The following ANKFN1 variants were observed in gnomAD, a reference collection of about 807,000 sequenced individuals.
ANKFN1 encodes ankyrin repeat and fibronectin type III domain containing 1, also known as ankyrin repeat and fibronectin type-III domain-containing protein 1.
ANKFN1 carries 74 observed loss-of-function variants against 108.7 expected under a neutral mutation model. The observed-to-expected ratio is 0.68, with a 90% CI of 0.56 to 0.83. The LOEUF is 0.83. Ranked by LOEUF, ANKFN1 falls within the 40% of genes least tolerant of loss-of-function variation. The pLI is 0.00. For missense variants in ANKFN1, 1,505 were observed against 1,382.3 expected, an observed-to-expected ratio of 1.09 and a Z score of -1.41; for synonymous variants, 547 against 516.2, an observed-to-expected ratio of 1.06 and a Z score of -0.81.
rs117582667 is a variant in ANKFN1 at position 56,483,696 on chromosome 17, A to G, written c.2260+1172A>G. On this transcript the variant is annotated intron_variant, in intron 18 of 20. Coordinates refer to ENST00000682825, the MANE Select transcript of ANKFN1 (RefSeq NM_001370326.1). ...CCTTTTCTGTGTCACACAATTAATC[A>G]CATTGGCCATACCACTCCCAAGAGG... 5.7e-4 allele frequency among the ~76,000 whole-genome samples: 87 copies of G among 152,310 alleles called. 4 individuals are homozygous for G. In the East Asian group the frequency reaches 0.016, roughly 28 times the overall value.
intron 1 of ANKFN1, among the ~76,000 whole-genome samples, chr17:56,166,642 C>T (rs1008677425): frequency 1.3e-5 from 2 of 152,078 alleles, no homozygotes; most frequent in African/African-American, 2.4e-5. Context: ...CTGGAATGGC[C>T]TAAAATGCTT....
chr17:56,234,416 C>T (rs1916959965), intron 3 of ANKFN1, among the ~76,000 whole-genome samples: 1 of 151,452 alleles, frequency 6.6e-6, no homozygotes, highest in Non-Finnish European at 1.5e-5. Flanking sequence ...AATTATGTTA[C>T]AGGAATTTGT....
intron 1 of ANKFN1, among the ~76,000 whole-genome samples, chr17:56,182,030 T>C (rs1296193668): frequency 2.0e-5 from 3 of 152,222 alleles, no homozygotes; most frequent in Non-Finnish European, 4.4e-5. Context: ...TGCTCCCATA[T>C]GTGATAGCAA....
chr17:56,307,016 G>A (rs554666158), intron 3 of ANKFN1, among the ~76,000 whole-genome samples: 2 of 152,264 alleles, frequency 1.3e-5, no homozygotes, highest in South Asian at 2.1e-4. Flanking sequence ...GGGAAAACTG[G>A]CTAGCCATAT....
At chr17:56,071,287 C>T (rs1048599148) in intron 4 of ANKFN1, among the ~76,000 whole-genome samples, 1 of 152,082 alleles carries the variant, frequency 6.6e-6, no homozygotes, top group Non-Finnish European at 1.5e-5. Context: ...CTGTATTTAC[C>T]AGGAAAGTTC....
At chr17:56,197,571 A>G (rs1429180781) in intron 1 of ANKFN1, among the ~76,000 whole-genome samples, 1 of 152,168 alleles carries the variant, frequency 6.6e-6, no homozygotes, top group East Asian at 1.9e-4. Flanking sequence ...CCTCACTGCT[A>G]AACTTTAGTT....
intron 11 of ANKFN1, among the ~76,000 whole-genome samples, chr17:56,456,401 CTTTTT>C (rs397713657): frequency 8.7e-6 from 1 of 115,498 alleles, no homozygotes. Context: ...CTTTTTTTCT[CTTTTT>C]TTTTTTTTTT....
At chr17:56,104,820 A>G (rs1905712732) in intron 4 of ANKFN1, among the ~76,000 whole-genome samples, 1 of 152,192 alleles carries the variant, frequency 6.6e-6, no homozygotes, top group Non-Finnish European at 1.5e-5. Context: ...ATCTTTGCAC[A>G]ATGGTGTTTC....
At chr17:56,178,758 T>C (rs974221563) in intron 1 of ANKFN1, among the ~76,000 whole-genome samples, 3 of 152,148 alleles carry the variant, frequency 2.0e-5, no homozygotes, top group African/African-American at 7.2e-5. Context: ...ACCTGGTTTT[T>C]GCAGCAGAAC....
intron 19 of ANKFN1, among the ~76,000 whole-genome samples, chr17:56,496,879 T>A (rs2051216793): frequency 1.3e-5 from 2 of 152,146 alleles, no homozygotes; most frequent in Admixed American, 6.5e-5. Flanking sequence ...ACTGAAAATT[T>A]TATAATATGT....
intron 4 of ANKFN1, among the ~76,000 whole-genome samples, chr17:56,059,048 C>T (rs1050657669): frequency 2.6e-5 from 4 of 152,186 alleles, no homozygotes; most frequent in African/African-American, 9.6e-5. Context: ...TACATTCCCA[C>T]CAACAGTGTA....
intron 4 of ANKFN1, among the ~76,000 whole-genome samples, chr17:56,337,896 G>T (rs1185742941): frequency 6.6e-6 from 1 of 152,082 alleles, no homozygotes; most frequent in Non-Finnish European, 1.5e-5. Flanking sequence ...GACAGTGTGG[G>T]GATTCCTCAA....
chr17:56,293,699 C>T (rs1188796409), intron 3 of ANKFN1, among the ~76,000 whole-genome samples: 3 of 152,140 alleles, frequency 2.0e-5, no homozygotes, highest in East Asian at 1.9e-4. Context: ...GACCCCAAAT[C>T]GAAAGACTTT....
intron 6 of ANKFN1, among the ~76,000 whole-genome samples, chr17:56,371,337 C>T (rs979703928): frequency 6.6e-6 from 1 of 152,004 alleles, no homozygotes; most frequent in Non-Finnish European, 1.5e-5. Flanking sequence ...AAATTTAGAC[C>T]GATGGTGCAC....
At chr17:56,248,924 A>G (rs770786710) in intron 3 of ANKFN1, among the ~76,000 whole-genome samples, 1 of 152,174 alleles carries the variant, frequency 6.6e-6, no homozygotes, top group Non-Finnish European at 1.5e-5. Flanking sequence ...ACAAATTCAC[A>G]TTGTGAGCAA....
rs1916393403 is a variant in ANKFN1, at chr17:56,227,779, A to G, written c.13-138A>G. ...CTGTATCCCCAAGAAAAGTCTCCCA[A>G]TAAATATATATTCATCTGTAGGCTA... On this transcript the variant is annotated intron_variant, in intron 2 of 20. Transcript: ENST00000682825. The G allele has an allele frequency of 4.3e-6, 3 of 704,808 alleles. No homozygotes were observed. The East Asian group carries it at 8.6e-5, about 20-fold the overall frequency. 43.7% of individuals were successfully genotyped at this position (704,808 alleles called of 1,614,324 possible).
chr17:56,299,654 C>T (rs554649092), intron 3 of ANKFN1, among the ~76,000 whole-genome samples: 122 of 152,236 alleles, frequency 8.0e-4, no homozygotes, highest in African/African-American at 2.9e-3. Flanking sequence ...CTATCAAATT[C>T]CTCTATGTCT....
At chr17:56,507,966 A>G (rs890165865) in intron 20 of ANKFN1, among the ~76,000 whole-genome samples, 1 of 152,210 alleles carries the variant, frequency 6.6e-6, no homozygotes, top group Non-Finnish European at 1.5e-5. Context: ...TTTCTGACTT[A>G]TTGTCTAACC....
chr17:56,200,686 A>G (rs1360628516), intron 1 of ANKFN1, among the ~76,000 whole-genome samples: 1 of 152,178 alleles, frequency 6.6e-6, no homozygotes, highest in Non-Finnish European at 1.5e-5. Context: ...CTGCTTTGAC[A>G]TATGTACATG....
Sources: allele counts gnomAD v4.1 joint callset (sites outside exome capture counted in the v4.1 genomes callset), GRCh38; gene constraint gnomAD v4.1.1; transcripts MANE v1.5; gene names NCBI Gene and HGNC (gene_info 2026-07-23, HGNC 2026-07-21).